Variants in PPARGC1A observed in about 807,000 individuals in gnomAD.
PPARGC1A encodes the protein PPARG coactivator 1 alpha, also known as peroxisome proliferator-activated receptor gamma coactivator 1-alpha.
In PPARGC1A, 25 loss-of-function variants were observed where a neutral mutation model predicts 88.7. That is an observed-to-expected ratio of 0.28 (90% CI 0.21 to 0.39). The LOEUF is 0.39. Among genes scored for constraint, PPARGC1A ranks in the 10% least tolerant of loss-of-function variants. PPARGC1A has a pLI of 1.00. For synonymous variants in PPARGC1A, 363 were observed against 355.6 expected (o/e 1.02, Z -0.24); for missense variants, 880 against 968.7 (o/e 0.91, Z 1.22).
At chr4:23,932,513 A>C in the PPARGC1A span, among the ~76,000 whole-genome samples, 3 of 152,162 alleles carry the variant, frequency 2.0e-5, no homozygotes, top group Non-Finnish European at 2.9e-5. Flanking sequence ...TAAATAGAGA[A>C]ACATTAGCAA....
At chr4:24,396,295 G>A in the PPARGC1A span, among the ~76,000 whole-genome samples, 1 of 152,198 alleles carries the variant, frequency 6.6e-6, no homozygotes, top group Non-Finnish European at 1.5e-5. Flanking sequence ...GAATATGGTA[G>A]TTCAGTATAT....
At chr4:23,964,027 A>G in the PPARGC1A span, among the ~76,000 whole-genome samples, 1 of 152,106 alleles carries the variant, frequency 6.6e-6, no homozygotes, top group Non-Finnish European at 1.5e-5. Context: ...CTAAGGGAAA[A>G]CCTTACACAG....
At chr4:23,855,337 T>A (rs56109256) in intron 2 of PPARGC1A, among the ~76,000 whole-genome samples, 14,772 of 152,234 alleles carry the variant, frequency 0.097, 996 homozygotes, top group Non-Finnish European at 0.14. Context: ...CTTTTACCAC[T>A]CAAGACTTTT....
the PPARGC1A span, among the ~76,000 whole-genome samples, chr4:24,009,394 T>C: frequency 6.6e-6 from 1 of 152,128 alleles, no homozygotes; most frequent in African/African-American, 2.4e-5. Flanking sequence ...AGAGGTGCCT[T>C]CTGATGATGG....
chr4:24,362,334 C>T, the PPARGC1A span, among the ~76,000 whole-genome samples: 2 of 148,088 alleles, frequency 1.4e-5, no homozygotes, highest in African/African-American at 5.1e-5. Flanking sequence ...CAAATATGAG[C>T]TTCTTGAACA....
the PPARGC1A span, among the ~76,000 whole-genome samples, chr4:24,138,070 C>G: frequency 6.6e-6 from 1 of 152,138 alleles, no homozygotes; most frequent in African/African-American, 2.4e-5. Flanking sequence ...GAGCATAGAG[C>G]CCAAAGTTCA....
At chr4:24,372,929 T>C in the PPARGC1A span, among the ~76,000 whole-genome samples, 3 of 152,226 alleles carry the variant, frequency 2.0e-5, no homozygotes, top group Non-Finnish European at 4.4e-5. Context: ...AAAGTCAGGC[T>C]GAATTTCTAG....
At chr4:24,026,874 G>A in the PPARGC1A span, among the ~76,000 whole-genome samples, 1 of 152,178 alleles carries the variant, frequency 6.6e-6, no homozygotes, top group East Asian at 1.9e-4. Context: ...TAAATCTCAA[G>A]TAAGAAGCTG....
the PPARGC1A span, among the ~76,000 whole-genome samples, chr4:24,325,509 G>A: frequency 1.3e-5 from 2 of 152,114 alleles, no homozygotes; most frequent in Admixed American, 1.3e-4. Context: ...CTGACCACCA[G>A]GCCAAGGAAT....
At chr4:24,253,882 T>C in the PPARGC1A span, among the ~76,000 whole-genome samples, 4 of 152,238 alleles carry the variant, frequency 2.6e-5, no homozygotes, top group Non-Finnish European at 5.9e-5. Context: ...CAAGCATGTA[T>C]GGAATCCACG....
chr4:24,141,818 A>T, the PPARGC1A span, among the ~76,000 whole-genome samples: 1 of 152,172 alleles, frequency 6.6e-6, no homozygotes, highest in Admixed American at 6.5e-5. Context: ...TCTGAAGCAA[A>T]GAAAGAAACA....
chr4:24,398,238 C>A, the PPARGC1A span, among the ~76,000 whole-genome samples: 1 of 152,006 alleles, frequency 6.6e-6, no homozygotes, highest in African/African-American at 2.4e-5. Flanking sequence ...CTATGTCTAA[C>A]CTGTAAAGCA....
chr4:24,159,236 G>C, the PPARGC1A span, among the ~76,000 whole-genome samples: 5 of 135,938 alleles, frequency 3.7e-5, no homozygotes, highest in Non-Finnish European at 7.6e-5. Context: ...TTTTGAGATG[G>C]AGCCTCGCTC....
the PPARGC1A span, among the ~76,000 whole-genome samples, chr4:24,118,067 AC>A: frequency 6.6e-6 from 1 of 152,010 alleles, no homozygotes; most frequent in South Asian, 2.1e-4. Context: ...CTTGGAAACC[AC>A]CTCTGATCCG....
the PPARGC1A span, among the ~76,000 whole-genome samples, chr4:24,391,848 A>G: frequency 6.6e-6 from 1 of 152,136 alleles, no homozygotes; most frequent in Non-Finnish European, 1.5e-5. Flanking sequence ...CAACTGTCCC[A>G]CATATTTAAC....
chr4:23,811,879 G>T (rs980556589), intron 10 of PPARGC1A, among the ~76,000 whole-genome samples: 2 of 125,678 alleles, frequency 1.6e-5, no homozygotes, highest in Non-Finnish European at 1.6e-5. Context: ...CCATCACGCA[G>T]AAGAAATGAC....
At chr4:24,170,722 T>A in the PPARGC1A span, among the ~76,000 whole-genome samples, 1 of 152,154 alleles carries the variant, frequency 6.6e-6, no homozygotes, top group Admixed American at 6.5e-5. Flanking sequence ...CATGGTGCCA[T>A]CACAGTTTTG....
At chr4:24,084,461 G>A in the PPARGC1A span, among the ~76,000 whole-genome samples, 1 of 152,218 alleles carries the variant, frequency 6.6e-6, no homozygotes, top group African/African-American at 2.4e-5. Flanking sequence ...CACCTCCGGG[G>A]AGGAGAAAGG....
At chr4:24,127,950 T>C in the PPARGC1A span, among the ~76,000 whole-genome samples, 1 of 152,188 alleles carries the variant, frequency 6.6e-6, no homozygotes. Flanking sequence ...TTCCATTTTT[T>C]CTATGCCTGT....
Sources: allele counts gnomAD v4.1 joint callset (sites outside exome capture counted in the v4.1 genomes callset), GRCh38; gene constraint gnomAD v4.1.1; transcripts MANE v1.5; gene names NCBI Gene and HGNC (gene_info 2026-07-23, HGNC 2026-07-21).